The following PPP1R14C variants were observed in gnomAD, a reference collection of about 807,000 sequenced individuals.
PPP1R14C encodes the protein protein phosphatase 1 regulatory subunit 14C.
A neutral mutation model predicts 20.4 loss-of-function variants in PPP1R14C; 16 were observed. The ratio of observed to expected loss-of-function variants is 0.78; its 90% CI spans 0.53 to 1.19. The LOEUF is 1.19. Ranked by LOEUF, PPP1R14C falls within the 50% of genes most tolerant of loss-of-function variation. PPP1R14C has a pLI of 0.00. For missense variants in PPP1R14C, 211 were observed against 220.1 expected (o/e 0.96, Z 0.26); for synonymous variants, 91 against 91.0 (o/e 1.00, Z 0.00).
intron 1 of PPP1R14C, among the ~76,000 whole-genome samples, chr6:150,165,370 AGACTT>A (rs1777411888): frequency 6.6e-6 from 1 of 152,236 alleles, no homozygotes; most frequent in South Asian, 2.1e-4. Context: ...GTGTTAGAGA[AGACTT>A]GACTTGCCTA....
chr6:150,194,553 G>A (rs1777781236), intron 1 of PPP1R14C: 10 of 971,682 alleles, frequency 1.0e-5, no homozygotes, highest in Non-Finnish European at 1.2e-5. Context: ...GTAGCTCTTT[G>A]ATTATCTACC....
At chr6:150,154,758 G>A (rs555171081) in intron 1 of PPP1R14C, among the ~76,000 whole-genome samples, 1 of 152,256 alleles carries the variant, frequency 6.6e-6, no homozygotes, top group East Asian at 1.9e-4. Flanking sequence ...GGCTTGGGTA[G>A]GGACTAGAAC....
chr6:150,148,629 A>G (rs1401707152), intron 1 of PPP1R14C, among the ~76,000 whole-genome samples: 1 of 152,220 alleles, frequency 6.6e-6, no homozygotes, highest in Non-Finnish European at 1.5e-5. Context: ...TCAAGCTGGA[A>G]GGTAGAAACT....
intron 3 of PPP1R14C, among the ~76,000 whole-genome samples, chr6:150,222,765 CTTTTTTTTT>C (rs4038164): frequency 2.4e-4 from 17 of 71,282 alleles, no homozygotes; most frequent in South Asian, 1.4e-3. Context: ...TTCAAACTGG[CTTTTTTTTT>C]TTTTTTTTTT....
At position 150,248,833 on chromosome 6, in the gene PPP1R14C, G is replaced by T. The variant is rs369588136; in HGVS notation, c.*13G>T. On this transcript the variant is annotated 3_prime_UTR_variant, in exon 4 of 4. Coordinates refer to ENST00000361131, the MANE Select transcript of PPP1R14C (RefSeq NM_030949.3). Reference sequence around the variant, plus strand: ...GAAGAGTGTATGATTCTGGAACAGGGTGAAACTCTCCCAGAGACGAAGAAA... The same window carrying T: ...GAAGAGTGTATGATTCTGGAACAGGTTGAAACTCTCCCAGAGACGAAGAAA... 196 of 1,586,590 alleles carry T rather than the reference G, an allele frequency of 1.2e-4. No individual in the cohort carries two copies. The African/African-American group carries it at 1.8e-3, about 15-fold the overall frequency.
At position 150,143,599 on chromosome 6, in the gene PPP1R14C, G is replaced by T; in HGVS notation, c.306+101G>T. The T allele has an allele frequency of 3.6e-6, 3 of 822,028 alleles. No homozygotes were observed. Among genetic ancestry groups the T allele is most frequent in the Non-Finnish European group, 5.6e-6 (3 of 537,422 alleles). 50.9% of individuals were successfully genotyped at this position (822,028 alleles called of 1,614,324 possible). ...CCAGCTCCGGGGCGCGCATGTCCCT[G>T]ACTCCCGGGGACCAAGTGCCAGGAG... On this transcript the variant is annotated intron_variant, in intron 1 of 3. Coordinates refer to ENST00000361131, the MANE Select transcript of PPP1R14C (RefSeq NM_030949.3). The surrounding 1 kb of genome is among the most constrained non-coding windows in gnomAD (Gnocchi z 5.6).
At chr6:150,193,831 C>T (rs1220609007) in intron 1 of PPP1R14C, among the ~76,000 whole-genome samples, 1 of 152,176 alleles carries the variant, frequency 6.6e-6, no homozygotes, top group Admixed American at 6.5e-5. Flanking sequence ...CTTATCCTGG[C>T]TTCCATCCAC....
chr6:150,245,567 A>T (rs1344697003), intron 3 of PPP1R14C, among the ~76,000 whole-genome samples: 1 of 152,194 alleles, frequency 6.6e-6, no homozygotes, highest in Non-Finnish European at 1.5e-5. Flanking sequence ...TCTTCCCAAG[A>T]TGGCCCCTCT....
chr6:150,183,441 G>A (rs781343295), intron 1 of PPP1R14C, among the ~76,000 whole-genome samples: 3 of 152,122 alleles, frequency 2.0e-5, no homozygotes, highest in Non-Finnish European at 2.9e-5. Flanking sequence ...TCCAAATGTC[G>A]TAGTACAGAG....
At chr6:150,168,302 C>A (rs1407883020) in intron 1 of PPP1R14C, among the ~76,000 whole-genome samples, 1 of 151,502 alleles carries the variant, frequency 6.6e-6, no homozygotes, top group Non-Finnish European at 1.5e-5. Context: ...TTTGGGAGGC[C>A]GAGGCGGGCA....
intron 1 of PPP1R14C, among the ~76,000 whole-genome samples, chr6:150,195,584 C>T (rs2114891694): frequency 6.6e-6 from 1 of 152,284 alleles, no homozygotes; most frequent in South Asian, 2.1e-4. Flanking sequence ...AAGTGATCTG[C>T]CCACCTTGGC....
intron 1 of PPP1R14C, among the ~76,000 whole-genome samples, chr6:150,151,145 A>T (rs1777242734): frequency 6.6e-6 from 1 of 151,424 alleles, no homozygotes; most frequent in Admixed American, 6.6e-5. Context: ...GTGACTCTGT[A>T]TTTTTAGCCC....
In PPP1R14C at chr6:150,198,203, G is replaced by A. The variant is rs1302284965; in HGVS notation, c.307-16541G>A. 2.8e-5 allele frequency among the ~76,000 whole-genome samples: 4 copies of A among 143,592 alleles called. No individual in the cohort carries two copies. The East Asian group carries it at 6.5e-4, about 23-fold the overall frequency. The allele number at this position is 143,592 out of a possible 152,430, so 94.2% of individuals were successfully genotyped here. A position where few individuals can be genotyped will look rare whatever the true frequency, so the allele number is the denominator to read the frequency against. Reference sequence around the variant, plus strand: ...TGCCCGGCTTTGTGTGCCCCTGGCCGCCACGGTGGAGGAGGGCCTGGATGC... The same window carrying A: ...TGCCCGGCTTTGTGTGCCCCTGGCCACCACGGTGGAGGAGGGCCTGGATGC... On this transcript the variant is annotated intron_variant, in intron 1 of 3. Coordinates refer to ENST00000361131, the MANE Select transcript of PPP1R14C (RefSeq NM_030949.3).
chr6:150,215,792 C>T (rs1333774051), intron 2 of PPP1R14C, among the ~76,000 whole-genome samples: 2 of 152,088 alleles, frequency 1.3e-5, no homozygotes, highest in Non-Finnish European at 2.9e-5. Flanking sequence ...ATCATCACCC[C>T]GCACCCCCCA....
At chr6:150,151,674 T>G (rs1777249315) in intron 1 of PPP1R14C, among the ~76,000 whole-genome samples, 1 of 152,194 alleles carries the variant, frequency 6.6e-6, no homozygotes, top group Non-Finnish European at 1.5e-5. Flanking sequence ...CCCAACAACT[T>G]TATGAAGGAG....
intron 1 of PPP1R14C, among the ~76,000 whole-genome samples, chr6:150,207,628 G>A (rs1321298506): frequency 2.0e-5 from 3 of 152,190 alleles, no homozygotes; most frequent in African/African-American, 4.8e-5. Flanking sequence ...TCCCAAAACA[G>A]GATAAATACA....
intron 1 of PPP1R14C, among the ~76,000 whole-genome samples, chr6:150,177,793 G>A (rs750192689): frequency 8.5e-5 from 13 of 152,098 alleles, no homozygotes; most frequent in Non-Finnish European, 1.5e-4. Flanking sequence ...GACCTGGGCC[G>A]CTTTCTCTGA....
chr6:150,221,395 G>A (rs762121982), intron 3 of PPP1R14C, among the ~76,000 whole-genome samples: 38 of 152,316 alleles, frequency 2.5e-4, no homozygotes, highest in Non-Finnish European at 2.9e-4. Flanking sequence ...GACTCAGCAA[G>A]AGGCTTAGAA....
intron 3 of PPP1R14C, among the ~76,000 whole-genome samples, chr6:150,239,882 G>A (rs9383739): frequency 0.038 from 5,825 of 152,032 alleles, 134 homozygotes; most frequent in East Asian, 0.1. Context: ...GTGAAACCCC[G>A]TCTCTACAAA....
Sources: allele counts gnomAD v4.1 joint callset (sites outside exome capture counted in the v4.1 genomes callset), GRCh38; gene constraint gnomAD v4.1.1; non-coding constraint Gnocchi (gnomAD v3.1); transcripts MANE v1.5; gene names NCBI Gene and HGNC (gene_info 2026-07-23, HGNC 2026-07-21).